The following LRSAM1 variants were observed in gnomAD, a reference collection of about 807,000 sequenced individuals.
LRSAM1 encodes the protein E3 ubiquitin-protein ligase LRSAM1.
LRSAM1 carries 96 observed loss-of-function variants against 118.1 expected under a neutral mutation model. The ratio of observed to expected loss-of-function variants is 0.81; its 90% CI spans 0.69 to 0.96. LRSAM1 has a LOEUF of 0.96. LRSAM1 is among the 40% of genes least tolerant of loss of function. The pLI, the probability that LRSAM1 is intolerant of heterozygous loss-of-function variation, is 0.00. For synonymous variants in LRSAM1, 322 were observed against 364.2 expected (o/e 0.88, Z 1.32); for missense variants, 804 against 915.5 (o/e 0.88, Z 1.57).
intron 9 of LRSAM1, 34 bp from the exon 10 acceptor site, chr9:127,467,706 C>A: frequency 1.3e-6 from 2 of 1,584,934 alleles, no homozygotes; most frequent in Non-Finnish European, 1.7e-6. Context: ...GCGTTGGTAG[C>A]GAACAGTAAA....
rs1443199384 is a variant in LRSAM1, at chr9:127,467,800, A to C, written c.589A>C (p.Thr197Pro). The C allele has an allele frequency of 6.2e-7, 1 of 1,607,274 alleles. No individual in the cohort carries two copies. Among genetic ancestry groups the C allele is most frequent in the Non-Finnish European group, 8.5e-7 (1 of 1,178,196 alleles). Residue 197 changes from threonine to proline, a missense_variant, in exon 10 of 26, where the codon ACT becomes CCT. By Grantham distance (38) the Thr-to-Pro change is conservative. Transcript: ENST00000300417. ...YPPREVCGAG[T>P]AAILQFLCKE... Reference sequence around the variant, plus strand: ...GCCGCGGGAGGTGTGTGGTGCCGGCACTGCGGCCATCTTGCAGTTCCTCTG... The same window carrying C: ...GCCGCGGGAGGTGTGTGGTGCCGGCCCTGCGGCCATCTTGCAGTTCCTCTG...
chr9:127,488,443 G>A (rs1300246239), intron 18 of LRSAM1, among the ~76,000 whole-genome samples: 2 of 152,008 alleles, frequency 1.3e-5, no homozygotes, highest in African/African-American at 2.4e-5. Flanking sequence ...TGTATTTTTA[G>A]TAGAGATGGG....
Position 127,454,747 on chromosome 9 carries a change from T to C in LRSAM1, c.72+148T>C, listed in dbSNP as rs545820339. 2.0e-5 allele frequency: 19 copies of C among 932,898 alleles called. No individual in the cohort carries two copies. In the African/African-American group the frequency reaches 2.1e-4, roughly 10 times the overall value. The allele number at this position is 932,898 out of a possible 1,614,324, so 57.8% of individuals were successfully genotyped here. Reference sequence around the variant, plus strand: ...AAATATTTGACTTAGACCCAACAGATGAGGCCCCCTGCCAAGGGTGCTTCT... The same window carrying C: ...AAATATTTGACTTAGACCCAACAGACGAGGCCCCCTGCCAAGGGTGCTTCT... On this transcript the variant is annotated intron_variant, in intron 3 of 25. Transcript: ENST00000300417.
Position 127,499,712 on chromosome 9 carries a change from C to T in LRSAM1, c.1913-1298C>T, listed in dbSNP as rs568554846. Reference sequence around the variant, plus strand: ...TTGGGAAGCCGAGGCGGGCAGATCACGAGGTCAGGAGATGGAGACCATCCT... The same window carrying T: ...TTGGGAAGCCGAGGCGGGCAGATCATGAGGTCAGGAGATGGAGACCATCCT... On this transcript the variant is annotated intron_variant, in intron 24 of 25. Coordinates refer to ENST00000300417, the MANE Select transcript of LRSAM1 (RefSeq NM_001005373.4). 1.1e-4 allele frequency among the ~76,000 whole-genome samples: 17 copies of T among 151,824 alleles called. No individual in the cohort carries two copies. In the East Asian group the frequency reaches 3.1e-3, roughly 28 times the overall value.
chr9:127,481,993 ATTAT>A (rs774658208), intron 15 of LRSAM1, among the ~76,000 whole-genome samples: 2 of 152,162 alleles, frequency 1.3e-5, no homozygotes, highest in African/African-American at 2.4e-5. Context: ...GGAAAGAAAA[ATTAT>A]TTAGTTACAT....
chr9:127,487,852 C>A, intron 18 of LRSAM1, 89 bp downstream of exon 18: 1 of 1,160,754 alleles, frequency 8.6e-7, no homozygotes, highest in Non-Finnish European at 1.3e-6. Context: ...CGGAGCCCTT[C>A]CTAGACAGCA....
chr9:127,457,392 A>G lies in LRSAM1; in HGVS notation c.251A>G (p.Lys84Arg). 1 of 1,614,046 alleles carries G rather than the reference A, an allele frequency of 6.2e-7. No homozygotes were observed. Among genetic ancestry groups the G allele is most frequent in the Middle Eastern group, 1.6e-4 (1 of 6,062 alleles). The change falls in exon 6 of 26, where the codon AAG becomes AGG. Residue 84 changes from lysine (K) to arginine (R), a missense_variant and splice_region_variant. Transcript: ENST00000300417. ...SCSLLSLATI[K>R]VLDLHDNQLT... is the part of the protein sequence containing the mutation. Reference sequence around the variant, plus strand: ...AGCCTCCTGAGTCTGGCAACCATCAAGGTACTGGGCCCTCCTCCCAGGCAG... The same window carrying G: ...AGCCTCCTGAGTCTGGCAACCATCAGGGTACTGGGCCCTCCTCCCAGGCAG...
intron 7 of LRSAM1, among the ~76,000 whole-genome samples, chr9:127,460,425 C>T (rs557337536): frequency 1.3e-5 from 2 of 152,344 alleles, no homozygotes; most frequent in East Asian, 1.9e-4. Flanking sequence ...GCACCACTGC[C>T]GGCCTGAGGC....
chr9:127,492,752 C>A, intron 20 of LRSAM1, 50 bp from the exon 21 acceptor site: 1 of 1,565,834 alleles, frequency 6.4e-7, no homozygotes, highest in Non-Finnish European at 8.7e-7. Flanking sequence ...CTGCGGGACT[C>A]CTGCGCTGCC....
intron 9 of LRSAM1, among the ~76,000 whole-genome samples, chr9:127,464,812 T>C (rs2132021292): frequency 6.6e-6 from 1 of 151,946 alleles, no homozygotes; most frequent in African/African-American, 2.4e-5. Flanking sequence ...TTGGCTAATT[T>C]TTTTATTTTT....
Position 127,471,462 on chromosome 9 carries a change from C to A in LRSAM1, c.620-2339C>A, listed in dbSNP as rs553936753. Among the ~76,000 whole-genome samples, 8 of 111,068 alleles carry A rather than the reference C, an allele frequency of 7.2e-5. No homozygotes were observed. The South Asian group carries it at 2.0e-3, about 28-fold the overall frequency. 72.9% of individuals were successfully genotyped at this position (111,068 alleles called of 152,430 possible). ...CTGCAGCCTGGGTGACAGAGAGAGACCTTATGTTATAAAAAAAAAAAAAAA... is the reference window on the plus strand; with the variant it reads ...CTGCAGCCTGGGTGACAGAGAGAGAACTTATGTTATAAAAAAAAAAAAAAA... On this transcript the variant is annotated intron_variant, in intron 10 of 25. Coordinates refer to ENST00000300417, the MANE Select transcript of LRSAM1 (RefSeq NM_001005373.4).
In LRSAM1 at chr9:127,470,463, G is replaced by A. The variant is rs72767947; in HGVS notation, c.619+2633G>A. On this transcript the variant is annotated intron_variant, in intron 10 of 25. Coordinates refer to ENST00000300417, the MANE Select transcript of LRSAM1 (RefSeq NM_001005373.4). ...TCCCACGAGTTCCCGCCCCCAACAC[G>A]TGGGGATTACAATTCAGAGATTGAG... is the stretch of plus-strand genomic sequence containing the variant. Among the ~76,000 whole-genome samples, 252 of 152,114 alleles carry A rather than the reference G, an allele frequency of 1.7e-3. 4 individuals carry two copies. Among genetic ancestry groups the A allele is most frequent in the Admixed American group, 3.7e-3 (56 of 15,270 alleles).
At chr9:127,497,851 C>T (rs965992335) in intron 24 of LRSAM1, among the ~76,000 whole-genome samples, 13 of 152,192 alleles carry the variant, frequency 8.5e-5, no homozygotes, top group African/African-American at 3.1e-4. Flanking sequence ...CGGCACCTGC[C>T]CACCGCTGTG....
chr9:127,485,148 T>C (rs999550302), intron 16 of LRSAM1, among the ~76,000 whole-genome samples: 6 of 152,188 alleles, frequency 3.9e-5, no homozygotes, highest in Non-Finnish European at 5.9e-5. Context: ...AAAAACTGAC[T>C]AGAAGAATAT....
intron 24 of LRSAM1, among the ~76,000 whole-genome samples, chr9:127,498,371 T>C (rs1214801372): frequency 6.6e-6 from 1 of 152,224 alleles, no homozygotes; most frequent in Non-Finnish European, 1.5e-5. Context: ...GCTCTCAGAC[T>C]GGAGATCAGA....
In LRSAM1 at chr9:127,498,763, A is replaced by G. The variant is rs1297195133; in HGVS notation, c.1912+1429A>G. Among the ~76,000 whole-genome samples the G allele has an allele frequency of 2.6e-5, 4 of 152,160 alleles. No homozygotes were observed. In the East Asian group the frequency reaches 7.7e-4, roughly 29 times the overall value. ...CCAGAAATCGGTATACTTTATATCA[A>G]ATATAGAGGCTGGGGCCAGGTGTGG... is the stretch of plus-strand genomic sequence containing the variant. On this transcript the variant is annotated intron_variant, in intron 24 of 25. Transcript: ENST00000300417.
At chr9:127,495,790 C>A (rs1836110908) in intron 22 of LRSAM1, among the ~76,000 whole-genome samples, 174 bp from the exon 23 acceptor site, 1 of 152,216 alleles carries the variant, frequency 6.6e-6, no homozygotes, top group South Asian at 2.1e-4. Context: ...CGGCAGTGAA[C>A]CCCTGGGCCT....
intron 7 of LRSAM1, 50 bp from the exon 8 acceptor site, chr9:127,461,123 G>A: frequency 6.8e-7 from 1 of 1,477,736 alleles, no homozygotes; most frequent in South Asian, 1.1e-5. Context: ...CAAAGTGCTG[G>A]GATTACAGGC....
intron 10 of LRSAM1, among the ~76,000 whole-genome samples, chr9:127,471,472 TAAAAA>T (rs71380064): frequency 1.5e-5 from 1 of 68,032 alleles, no homozygotes; most frequent in African/African-American, 5.9e-5. Context: ...CCTTATGTTA[TAAAAA>T]AAAAAAAAAA....
Sources: gnomAD v4.1 joint callset for allele counts (sites outside exome capture counted in the v4.1 genomes callset) on GRCh38, gnomAD v4.1.1 for gene constraint, MANE v1.5 for transcripts, NCBI Gene and HGNC (gene_info 2026-07-23, HGNC 2026-07-21) for gene names.